NKAIN3: variants seen among roughly 807,000 people sequenced by gnomAD.
The protein encoded by NKAIN3 is sodium/potassium-transporting ATPase subunit beta-1-interacting protein 3.
Under a neutral mutation model 30.2 loss-of-function variants are expected in NKAIN3, and 25 were observed. That is an observed-to-expected ratio of 0.83 (90% CI 0.60 to 1.16). The LOEUF (loss-of-function observed/expected upper bound fraction) is 1.16, where lower values mean the gene tolerates loss of function less well. Ranked by LOEUF, NKAIN3 falls within the 50% of genes most tolerant of loss-of-function variation. The pLI, the probability that NKAIN3 is intolerant of heterozygous loss-of-function variation, is 0.00. For synonymous variants in NKAIN3, 91 were observed against 89.6 expected, an observed-to-expected ratio of 1.02 and a Z score of -0.09; for missense variants, 225 against 254.1, an observed-to-expected ratio of 0.89 and a Z score of 0.78.
At chr8:62,289,149 C>G (rs1002494188) in intron 1 of NKAIN3, among the ~76,000 whole-genome samples, 5 of 152,060 alleles carry the variant, frequency 3.3e-5, no homozygotes, top group South Asian at 4.1e-4. Context: ...TTAGCCCTTT[C>G]TCAGATGAGT....
At chr8:62,558,555 T>G (rs1409864812) in intron 1 of NKAIN3, among the ~76,000 whole-genome samples, 1 of 152,054 alleles carries the variant, frequency 6.6e-6, no homozygotes, top group African/African-American at 2.4e-5. Flanking sequence ...AATGCACATT[T>G]TAAAAGTCAG....
chr8:62,807,901 A>T (rs182312609), intron 4 of NKAIN3, among the ~76,000 whole-genome samples: 29 of 151,780 alleles, frequency 1.9e-4, no homozygotes, highest in Non-Finnish European at 1.8e-4. Context: ...GATTGTGATT[A>T]TGTTAAAAAT....
chr8:62,934,807 A>G (rs1822730965), intron 5 of NKAIN3, among the ~76,000 whole-genome samples: 1 of 152,102 alleles, frequency 6.6e-6, no homozygotes, highest in Non-Finnish European at 1.5e-5. Flanking sequence ...CAGGAGAGAG[A>G]TCTTATCTCA....
intron 4 of NKAIN3, among the ~76,000 whole-genome samples, chr8:62,798,703 C>T (rs529588672): frequency 1.3e-5 from 2 of 152,306 alleles, no homozygotes; most frequent in East Asian, 3.9e-4. Context: ...AGACTTCTGG[C>T]TTGCAGAACT....
rs1821615031 is a variant in NKAIN3 at position 62,901,579 on chromosome 8, G to T, written c.472-16874G>T. On this transcript the variant is annotated intron_variant, in intron 4 of 6. Transcript: ENST00000623646. ...ACTCTTGTGCAAGGCAGTGGAATTA[G>T]GTGTCATGCACTCCATCTGCTGATT... 2.0e-5 allele frequency among the ~76,000 whole-genome samples: 3 copies of T among 152,158 alleles called. No homozygotes were observed. The South Asian group carries it at 6.2e-4, about 31-fold the overall frequency.
At chr8:62,919,426 T>C (rs1822210256) in intron 5 of NKAIN3, among the ~76,000 whole-genome samples, 1 of 151,596 alleles carries the variant, frequency 6.6e-6, no homozygotes, top group Admixed American at 6.6e-5. Flanking sequence ...TTTGTATTTT[T>C]AGTAGAGAAG....
At chr8:62,259,124 TGGGAGAA>T (rs1469174119) in intron 1 of NKAIN3, among the ~76,000 whole-genome samples, 1 of 152,152 alleles carries the variant, frequency 6.6e-6, no homozygotes, top group Non-Finnish European at 1.5e-5. Flanking sequence ...TGATATGCAA[TGGGAGAA>T]TAAATATATT....
chr8:62,809,007 C>A (rs1002325966), intron 4 of NKAIN3, among the ~76,000 whole-genome samples: 1 of 152,024 alleles, frequency 6.6e-6, no homozygotes, highest in Admixed American at 6.6e-5. Context: ...AGAGACCTAC[C>A]CCTGGGAATG....
chr8:62,741,884 G>T (rs1029867267), intron 3 of NKAIN3, among the ~76,000 whole-genome samples: 1 of 152,078 alleles, frequency 6.6e-6, no homozygotes. Context: ...TTAACATGCT[G>T]TCTTGTCTCT....
intron 1 of NKAIN3, among the ~76,000 whole-genome samples, chr8:62,394,385 T>G (rs973519133): frequency 2.6e-5 from 4 of 152,220 alleles, no homozygotes; most frequent in African/African-American, 9.6e-5. Flanking sequence ...ACTACATTTG[T>G]TAACCTTCGG....
intron 4 of NKAIN3, among the ~76,000 whole-genome samples, chr8:62,858,475 G>A (rs1344851600): frequency 6.6e-6 from 1 of 152,158 alleles, no homozygotes; most frequent in African/African-American, 2.4e-5. Flanking sequence ...AACAGCCAAG[G>A]TAGTGACATG....
intron 4 of NKAIN3, among the ~76,000 whole-genome samples, chr8:62,749,943 A>C (rs1352166982): frequency 2.0e-5 from 3 of 151,956 alleles, no homozygotes; most frequent in Non-Finnish European, 2.9e-5. Flanking sequence ...CGGTCTCCGA[A>C]AGTGGTAGGA....
intron 3 of NKAIN3, among the ~76,000 whole-genome samples, chr8:62,715,660 T>C (rs73266942): frequency 0.017 from 2,637 of 152,276 alleles, 56 homozygotes; most frequent in African/African-American, 0.054. Context: ...TACAGATACA[T>C]TTGTTGTTGT....
At chr8:62,488,944 A>G (rs1325861600) in intron 1 of NKAIN3, among the ~76,000 whole-genome samples, 1 of 152,150 alleles carries the variant, frequency 6.6e-6, no homozygotes, top group African/African-American at 2.4e-5. Flanking sequence ...CATATTTTAT[A>G]TATTCTAGCA....
chr8:62,276,115 G>T (rs1315010315), intron 1 of NKAIN3, among the ~76,000 whole-genome samples: 2 of 151,968 alleles, frequency 1.3e-5, no homozygotes, highest in Non-Finnish European at 2.9e-5. Context: ...ACCCAGGCTG[G>T]AGTGCAGTGG....
downstream of NKAIN3, among the ~76,000 whole-genome samples, chr8:62,986,943 T>C (rs1243083496): frequency 6.6e-6 from 1 of 152,250 alleles, no homozygotes; most frequent in Non-Finnish European, 1.5e-5. Flanking sequence ...GTTTTTTTCT[T>C]GCTCTTATCT....
chr8:62,376,764 G>A (rs572029825), intron 1 of NKAIN3, among the ~76,000 whole-genome samples: 79 of 152,132 alleles, frequency 5.2e-4, no homozygotes, highest in Admixed American at 1.3e-3. Flanking sequence ...CTATTATTTA[G>A]GTAAAAGGGA....
intron 3 of NKAIN3, among the ~76,000 whole-genome samples, chr8:62,692,987 G>T (rs1814030342): frequency 6.6e-6 from 1 of 152,150 alleles, no homozygotes; most frequent in Non-Finnish European, 1.5e-5. Context: ...CCTAGTTAAA[G>T]ACCACTGTTA....
chr8:62,760,113 A>C lies in NKAIN3; in HGVS notation c.471+12984A>C, dbSNP rs554200143. 3.9e-5 allele frequency among the ~76,000 whole-genome samples: 6 copies of C among 152,298 alleles called. No homozygotes were observed. The South Asian group carries it at 1.2e-3, about 32-fold the overall frequency. On this transcript the variant is annotated intron_variant, in intron 4 of 6. Coordinates refer to ENST00000623646, the MANE Select transcript of NKAIN3 (RefSeq NM_001304533.3). ...GCCACTTAGAATGGCGATCATTAAA[A>C]AGTCAGGAAACAACAGATGCTGGAG... is the stretch of plus-strand genomic sequence containing the variant.
Sources: gnomAD v4.1 joint callset for allele counts (sites outside exome capture counted in the v4.1 genomes callset) on GRCh38, gnomAD v4.1.1 for gene constraint, MANE v1.5 for transcripts, NCBI Gene and HGNC (gene_info 2026-07-23, HGNC 2026-07-21) for gene names.